The following STXBP5L variants were observed in gnomAD, a reference collection of about 807,000 sequenced individuals.
STXBP5L encodes the protein syntaxin binding protein 5L.
A neutral mutation model predicts 144.5 loss-of-function variants in STXBP5L; 65 were observed. The observed-to-expected ratio is 0.45, with a 90% CI of 0.37 to 0.55. The LOEUF is 0.55. Ranked by LOEUF, STXBP5L falls within the 20% of genes least tolerant of loss-of-function variation. The probability of loss-of-function intolerance (pLI) is 0.00; values close to 1 mark genes in which losing one functional copy is unlikely to be tolerated. For synonymous variants in STXBP5L, 505 were observed against 469.6 expected (o/e 1.08, Z -0.97); for missense variants, 1,298 against 1,405.5 (o/e 0.92, Z 1.22).
At chr3:121,122,488 A>G (rs1359207085) in intron 7 of STXBP5L, among the ~76,000 whole-genome samples, 1 of 151,404 alleles carries the variant, frequency 6.6e-6, no homozygotes, top group Admixed American at 6.6e-5. Flanking sequence ...GACATTTTTG[A>G]AAAAGAAATA....
intron 5 of STXBP5L, among the ~76,000 whole-genome samples, chr3:121,112,304 A>G (rs1218336367): frequency 6.6e-6 from 1 of 151,936 alleles, no homozygotes; most frequent in Non-Finnish European, 1.5e-5. Context: ...GGATCTTCTG[A>G]TTTGCAGGTT....
At chr3:121,182,458 A>G (rs941385548) in intron 9 of STXBP5L, among the ~76,000 whole-genome samples, 1 of 152,152 alleles carries the variant, frequency 6.6e-6, no homozygotes, top group Non-Finnish European at 1.5e-5. Flanking sequence ...AAATTTAGAA[A>G]TTATTTAAAC....
At chr3:121,311,480 A>T (rs2331708) in intron 19 of STXBP5L, among the ~76,000 whole-genome samples, 119,746 of 152,188 alleles carry the variant, frequency 0.79, 47,344 homozygotes, top group East Asian at 0.93. Context: ...ATAAATTTTT[A>T]AAATGGTGGA....
At chr3:120,984,578 A>G (rs1942107750) in intron 3 of STXBP5L, among the ~76,000 whole-genome samples, 1 of 147,884 alleles carries the variant, frequency 6.8e-6, no homozygotes, top group Admixed American at 7.0e-5. Context: ...ATCTGCAAAC[A>G]GAGATTACTT....
intron 3 of STXBP5L, among the ~76,000 whole-genome samples, chr3:120,960,932 T>G (rs1938718936): frequency 6.6e-6 from 1 of 151,734 alleles, no homozygotes. Context: ...AATTCAGCCA[T>G]GATACTATCA....
chr3:121,323,516 A>G (rs985974078), intron 20 of STXBP5L, among the ~76,000 whole-genome samples: 4 of 152,178 alleles, frequency 2.6e-5, no homozygotes, highest in African/African-American at 9.6e-5. Flanking sequence ...GGGAGCTTGA[A>G]GAATCCATTG....
intron 3 of STXBP5L, among the ~76,000 whole-genome samples, chr3:121,025,461 A>T (rs540303906): frequency 5.9e-5 from 9 of 152,146 alleles, no homozygotes; most frequent in African/African-American, 2.2e-4. Context: ...GAATAATCAG[A>T]TCTGAGCCTG....
intron 3 of STXBP5L, among the ~76,000 whole-genome samples, chr3:121,030,199 A>C (rs1307421405): frequency 6.6e-6 from 1 of 152,186 alleles, no homozygotes; most frequent in African/African-American, 2.4e-5. Flanking sequence ...AAGGATTATA[A>C]ATCATGCTGC....
At chr3:121,378,538 T>A (rs190268031) in intron 20 of STXBP5L, among the ~76,000 whole-genome samples, 178 bp from the exon 21 acceptor site, 1 of 152,314 alleles carries the variant, frequency 6.6e-6, no homozygotes, top group Admixed American at 6.5e-5. Flanking sequence ...TTTTGAAATT[T>A]TTGGCTAACT....
intron 9 of STXBP5L, among the ~76,000 whole-genome samples, chr3:121,184,407 T>A (rs1185603037): frequency 6.6e-6 from 1 of 151,184 alleles, no homozygotes; most frequent in East Asian, 2.0e-4. Flanking sequence ...CACAAGAACT[T>A]CATGAAGCAT....
At chr3:121,146,592 C>T (rs1366128645) in intron 7 of STXBP5L, among the ~76,000 whole-genome samples, 1 of 151,624 alleles carries the variant, frequency 6.6e-6, no homozygotes, top group East Asian at 2.0e-4. Flanking sequence ...TATGCTGTTA[C>T]AAGAGATACA....
At chr3:121,399,775 C>T (rs928451091) in intron 22 of STXBP5L, among the ~76,000 whole-genome samples, 7 of 152,212 alleles carry the variant, frequency 4.6e-5, no homozygotes, top group East Asian at 1.9e-4. Flanking sequence ...CCAGCGTGGG[C>T]GTTACGGCCA....
intron 19 of STXBP5L, among the ~76,000 whole-genome samples, chr3:121,318,111 C>T (rs1176511402): frequency 6.6e-6 from 1 of 151,870 alleles, no homozygotes; most frequent in African/African-American, 2.4e-5. Flanking sequence ...AATACTCTTG[C>T]ATGTCAATCA....
At chr3:121,025,031 A>C (rs1945829051) in intron 3 of STXBP5L, among the ~76,000 whole-genome samples, 1 of 152,178 alleles carries the variant, frequency 6.6e-6, no homozygotes, top group African/African-American at 2.4e-5. Flanking sequence ...TATTCCCCAA[A>C]TTCCAAAGCA....
At chr3:121,314,590 A>AGACCGTG (rs2043709397) in intron 19 of STXBP5L, among the ~76,000 whole-genome samples, 2 of 418 alleles carry the variant, frequency 4.8e-3, no homozygotes, top group Non-Finnish European at 0.067. Flanking sequence ...CCGTGGAGGG[A>AGACCGTG]GAGGGAGAGG....
rs945582453 is a variant in STXBP5L, at chr3:120,930,166, T to C, written c.189+20399T>C. Among the ~76,000 whole-genome samples the C allele has an allele frequency of 2.2e-4, 16 of 71,204 alleles. 1 individual carries two copies. In the South Asian group the frequency reaches 3.4e-3, roughly 15 times the overall value. The allele number at this position is 71,204 out of a possible 152,430, so 46.7% of individuals were successfully genotyped here. On this transcript the variant is annotated intron_variant, in intron 2 of 26. Coordinates refer to ENST00000471454, the MANE Select transcript of STXBP5L (RefSeq NM_001308330.2). ...GTTTGAATATTCATTTCTATTTTCT[T>C]TTTTTTTTTTTTTATGAGAAAATAA... is the stretch of plus-strand genomic sequence containing the variant.
intron 7 of STXBP5L, among the ~76,000 whole-genome samples, chr3:121,137,409 A>G (rs2045310273): frequency 6.6e-6 from 1 of 152,190 alleles, no homozygotes; most frequent in Non-Finnish European, 1.5e-5. Flanking sequence ...GAACAATTTT[A>G]TGCCAACAGA....
rs147215092 is a variant in STXBP5L at position 121,358,720 on chromosome 3, C to T, written c.2177-19996C>T. Among the ~76,000 whole-genome samples the T allele has an allele frequency of 6.2e-4, 94 of 152,188 alleles. 1 individual carries two copies. Among genetic ancestry groups the T allele is most frequent in the East Asian group, 3.7e-3 (19 of 5,186 alleles). ...AGTTTAATTGATTTTATTTTTAGAT[C>T]GCACAAATAAGTGAGAATATTTAAT... On this transcript the variant is annotated intron_variant, in intron 20 of 26. Coordinates refer to ENST00000471454, the MANE Select transcript of STXBP5L (RefSeq NM_001308330.2).
At chr3:120,963,385 C>G (rs953748425) in intron 3 of STXBP5L, among the ~76,000 whole-genome samples, 1 of 152,114 alleles carries the variant, frequency 6.6e-6, no homozygotes, top group Non-Finnish European at 1.5e-5. Flanking sequence ...CAGTTTTTGC[C>G]CATTCAGTAT....
Sources: allele counts gnomAD v4.1 joint callset (sites outside exome capture counted in the v4.1 genomes callset), GRCh38; gene constraint gnomAD v4.1.1; transcripts MANE v1.5; gene names NCBI Gene and HGNC (gene_info 2026-07-23, HGNC 2026-07-21).